Variants in DENND1A observed in about 807,000 individuals in gnomAD.
DENND1A encodes the protein DENN domain-containing protein 1A.
In DENND1A, 51 loss-of-function variants were observed where a neutral mutation model predicts 113.7. The ratio of observed to expected loss-of-function variants is 0.45; its 90% CI spans 0.36 to 0.57. The LOEUF is 0.57. DENND1A is among the 20% of genes least tolerant of loss of function. DENND1A has a pLI of 0.00. For synonymous variants in DENND1A, 565 were observed against 570.8 expected, an observed-to-expected ratio of 0.99 and a Z score of 0.14; for missense variants, 1,258 against 1,395.9, an observed-to-expected ratio of 0.90 and a Z score of 1.57.
At chr9:123,717,975 A>G (rs907389467) in intron 5 of DENND1A, among the ~76,000 whole-genome samples, 1 of 152,202 alleles carries the variant, frequency 6.6e-6, no homozygotes, top group Non-Finnish European at 1.5e-5. Flanking sequence ...TCCTTCCTCC[A>G]TAAGCCCACA....
intron 8 of DENND1A, among the ~76,000 whole-genome samples, chr9:123,661,650 A>G (rs1163605717): frequency 1.3e-5 from 2 of 152,238 alleles, no homozygotes; most frequent in Admixed American, 1.3e-4. Flanking sequence ...CGGGGCAGCC[A>G]TTTGAGGAAA....
intron 5 of DENND1A, among the ~76,000 whole-genome samples, chr9:123,732,094 A>G (rs963858189): frequency 5.9e-5 from 9 of 152,224 alleles, no homozygotes; most frequent in African/African-American, 2.2e-4. Context: ...GCTTGTGGGA[A>G]TGCAAAATGA....
chr9:123,757,853 G>C, intron 4 of DENND1A, 31 bp from the exon 5 acceptor site: 2 of 1,607,082 alleles, frequency 1.2e-6, no homozygotes, highest in South Asian at 1.1e-5. Flanking sequence ...AGGGGAAAAT[G>C]AATGTGCAGT....
chr9:123,403,293 G>T, intron 21 of DENND1A, 109 bp downstream of exon 21: 2 of 1,077,756 alleles, frequency 1.9e-6, no homozygotes, highest in Non-Finnish European at 1.4e-6. Flanking sequence ...CCCGCTGGGA[G>T]CCCCGGGGAA....
chr9:123,723,977 A>G (rs1437445383), intron 5 of DENND1A, among the ~76,000 whole-genome samples: 1 of 152,214 alleles, frequency 6.6e-6, no homozygotes, highest in Non-Finnish European at 1.5e-5. Flanking sequence ...TATTTATTGA[A>G]GGAATGAATA....
chr9:123,630,610 A>T, intron 9 of DENND1A, 134 bp from the exon 10 acceptor site: 1 of 522,124 alleles, frequency 1.9e-6, no homozygotes, highest in Non-Finnish European at 3.0e-6. Context: ...AAATCATTCT[A>T]AGTTAACTCA....
chr9:123,583,374 T>G, intron 11 of DENND1A, 104 bp from the exon 12 acceptor site: 1 of 806,350 alleles, frequency 1.2e-6, no homozygotes, highest in East Asian at 2.6e-5. Context: ...AAAGTGACAT[T>G]TGACAAAGTC....
At chr9:123,851,210 C>T (rs1259434668) in intron 2 of DENND1A, among the ~76,000 whole-genome samples, 1 of 152,224 alleles carries the variant, frequency 6.6e-6, no homozygotes, top group Non-Finnish European at 1.5e-5. Flanking sequence ...CCCTAGGGAA[C>T]CACTGGTGTG....
At position 123,558,620 on chromosome 9, in the gene DENND1A, C is replaced by T. The variant is rs777105227; in HGVS notation, c.868-925G>A. On this transcript the variant is annotated intron_variant, in intron 12 of 23. Transcript: ENST00000394215. Reference sequence around the variant, plus strand: ...CAGGTCCACGTACTACAAACAAACCCGTTGGCCAAATGGAATAAAGATTTT... The same window carrying T: ...CAGGTCCACGTACTACAAACAAACCTGTTGGCCAAATGGAATAAAGATTTT... Among the ~76,000 whole-genome samples the T allele has an allele frequency of 9.2e-5, 14 of 152,040 alleles. 1 individual carries two copies. The highest frequency in any genetic ancestry group is 1.6e-4 in the Non-Finnish European group (11 of 68,010).
chr9:123,395,424 T>C (rs2043063907), intron 21 of DENND1A, among the ~76,000 whole-genome samples: 2 of 150,610 alleles, frequency 1.3e-5, no homozygotes, highest in South Asian at 4.2e-4. Flanking sequence ...CGGCTGGCTT[T>C]AGGCTTGGTT....
At chr9:123,389,836 C>CTTCT (rs2042749016) in intron 21 of DENND1A, among the ~76,000 whole-genome samples, 1 of 152,242 alleles carries the variant, frequency 6.6e-6, no homozygotes, top group African/African-American at 2.4e-5. Flanking sequence ...AGGCCGTGGG[C>CTTCT]TTCTGCTGCA....
intron 11 of DENND1A, among the ~76,000 whole-genome samples, chr9:123,598,459 A>G (rs1404277863): frequency 6.6e-6 from 1 of 150,620 alleles, no homozygotes; most frequent in Non-Finnish European, 1.5e-5. Flanking sequence ...CAAATCTCAA[A>G]AAAAAAAAAA....
chr9:123,892,798 A>G (rs1850118596), intron 1 of DENND1A, among the ~76,000 whole-genome samples: 1 of 152,198 alleles, frequency 6.6e-6, no homozygotes, highest in Admixed American at 6.5e-5. Flanking sequence ...CCTGGCCAAC[A>G]TGGTGAAACC....
intron 6 of DENND1A, among the ~76,000 whole-genome samples, chr9:123,671,704 T>C (rs2063772447): frequency 6.6e-6 from 1 of 152,110 alleles, no homozygotes; most frequent in South Asian, 2.1e-4. Flanking sequence ...CAATCCTAGC[T>C]TACAGGGCGG....
chr9:123,424,563 T>C (rs1455893405), intron 19 of DENND1A, among the ~76,000 whole-genome samples: 3 of 152,210 alleles, frequency 2.0e-5, no homozygotes, highest in Non-Finnish European at 4.4e-5. Flanking sequence ...TGGCCCAGCA[T>C]ACATATTCCC....
At chr9:123,490,587 T>A (rs1255033918) in intron 13 of DENND1A, among the ~76,000 whole-genome samples, 2 of 151,634 alleles carry the variant, frequency 1.3e-5, no homozygotes, top group East Asian at 3.9e-4. Context: ...AGACTCCATC[T>A]AAAAATAAAA....
chr9:123,757,199 G>A (rs1201673163), intron 5 of DENND1A, among the ~76,000 whole-genome samples: 1 of 152,146 alleles, frequency 6.6e-6, no homozygotes, highest in East Asian at 1.9e-4. Context: ...CTTCTTACAC[G>A]ATTCTTAATT....
chr9:123,842,704 G>A (rs1056640899), intron 2 of DENND1A, among the ~76,000 whole-genome samples: 8 of 152,154 alleles, frequency 5.3e-5, no homozygotes, highest in African/African-American at 1.9e-4. Context: ...AAAGAAGAAT[G>A]AATACCAATT....
At chr9:123,923,142 T>C (rs1856562806) in intron 1 of DENND1A, among the ~76,000 whole-genome samples, 1 of 152,162 alleles carries the variant, frequency 6.6e-6, no homozygotes, top group South Asian at 2.1e-4. Context: ...TTACACAGAT[T>C]TAATAACTCA....
Sources: allele counts gnomAD v4.1 joint callset (sites outside exome capture counted in the v4.1 genomes callset), GRCh38; gene constraint gnomAD v4.1.1; transcripts MANE v1.5; gene names NCBI Gene and HGNC (gene_info 2026-07-23, HGNC 2026-07-21).